ST14: variants seen among roughly 807,000 people sequenced by gnomAD.
ST14 encodes the protein suppressor of tumorigenicity 14 protein.
A neutral mutation model predicts 96.5 loss-of-function variants in ST14; 40 were observed. That is an observed-to-expected ratio of 0.41 (90% CI 0.32 to 0.54). The LOEUF is 0.54. Among genes scored for constraint, ST14 ranks in the 20% least tolerant of loss-of-function variants. The pLI is 0.17. For missense variants in ST14, 1,066 were observed against 1,188.9 expected, an observed-to-expected ratio of 0.90 and a Z score of 1.52; for synonymous variants, 506 against 492.1, an observed-to-expected ratio of 1.03 and a Z score of -0.37.
At chr11:130,185,965 G>A (rs1349607959) in intron 1 of ST14, among the ~76,000 whole-genome samples, 3 of 151,834 alleles carry the variant, frequency 2.0e-5, no homozygotes, top group African/African-American at 4.8e-5. Context: ...GTGCCACCGC[G>A]CCTGGCTAAT....
intron 1 of ST14, among the ~76,000 whole-genome samples, chr11:130,172,414 T>C (rs1479168484): frequency 1.0e-4 from 14 of 136,644 alleles, no homozygotes; most frequent in African/African-American, 2.2e-4. Context: ...CTGTCTTCTT[T>C]TTTTTTTTTT....
rs1953197234 is a variant in ST14, at chr11:130,181,999, C to A, written c.82-6115C>A. ...GTCAATGCCCTCAGCCACCTTACCC[C>A]TTCTCATGGGAGTCTCTGTCTTCTG... On this transcript the variant is annotated intron_variant, in intron 1 of 18. Coordinates refer to ENST00000278742, the MANE Select transcript of ST14 (RefSeq NM_021978.4). The surrounding 1 kb of genome is among the most constrained non-coding windows in gnomAD (Gnocchi z 4.1). Among the ~76,000 whole-genome samples the A allele has an allele frequency of 6.6e-6, 1 of 152,230 alleles. No homozygotes were observed. The highest frequency in any genetic ancestry group is 2.4e-5 in the African/African-American group (1 of 41,454).
At chr11:130,174,322 C>A (rs1175658629) in intron 1 of ST14, among the ~76,000 whole-genome samples, 1 of 152,162 alleles carries the variant, frequency 6.6e-6, no homozygotes, top group South Asian at 2.1e-4. Flanking sequence ...AGAAATATCA[C>A]GTCCAATTCT....
chr11:130,209,614 C>A (rs767208327), intron 18 of ST14, 36 bp downstream of exon 18: 1 of 1,574,166 alleles, frequency 6.4e-7, no homozygotes, highest in Non-Finnish European at 8.6e-7. Context: ...AGGTGGGCCC[C>A]GGGAGAGGCG....
At chr11:130,201,046 A>G (rs1953422000) in intron 16 of ST14, among the ~76,000 whole-genome samples, 1 of 152,242 alleles carries the variant, frequency 6.6e-6, no homozygotes, top group African/African-American at 2.4e-5. Flanking sequence ...GAGTTGTGAG[A>G]ATTAAATACA....
intron 16 of ST14, among the ~76,000 whole-genome samples, chr11:130,202,207 C>T (rs1169168967): frequency 6.6e-6 from 1 of 152,190 alleles, no homozygotes; most frequent in Non-Finnish European, 1.5e-5. Context: ...TGCTTCGTTG[C>T]TTTCTTTCTC....
Position 130,198,385 on chromosome 11 carries a change from G to A in ST14, c.1537G>A (p.Asp513Asn), listed in dbSNP as rs551890002. The A allele has an allele frequency of 3.1e-6, 5 of 1,614,184 alleles. No individual in the cohort carries two copies. Among genetic ancestry groups the A allele is most frequent in the South Asian group, 1.1e-5 (1 of 91,080 alleles). The change falls in exon 13 of 19, where the codon GAC (aspartate) becomes AAC (asparagine). Residue 513 changes from aspartate to asparagine, a missense_variant. Physicochemically the swap from Asp to Asn is conservative, Grantham distance 23. Coordinates refer to ENST00000278742, the MANE Select transcript of ST14 (RefSeq NM_021978.4). ...PLFWVCDSVN[D>N]CGDNSDEQGC... The stretch of plus-strand genomic sequence containing the variant: ...CTTCTGGGTCTGCGACAGTGTGAAC[G>A]ACTGCGGAGACAACAGCGACGAGCA...
chr11:130,180,514 C>A (rs893704830), intron 1 of ST14, among the ~76,000 whole-genome samples: 3 of 152,176 alleles, frequency 2.0e-5, no homozygotes, highest in African/African-American at 7.2e-5. Context: ...CATTGCTTTT[C>A]TCTAAGGATA....
rs946820005 is a variant in ST14, at chr11:130,181,045, G to A, written c.82-7069G>A. Among the ~76,000 whole-genome samples, 1 of 152,186 alleles carries A rather than the reference G, an allele frequency of 6.6e-6. No individual in the cohort carries two copies. Among genetic ancestry groups the A allele is most frequent in the Non-Finnish European group, 1.5e-5 (1 of 68,040 alleles). On this transcript the variant is annotated intron_variant, in intron 1 of 18. Transcript: ENST00000278742. This position sits in a 1 kb window ranked among gnomAD's most constrained non-coding sequence, Gnocchi z 4.1. ...CTCATCCCTGCTGGGTGGGATGGCAGTGGTCCCTCTTGGGTGAGATGGTGG... is the reference window on the plus strand; with the variant it reads ...CTCATCCCTGCTGGGTGGGATGGCAATGGTCCCTCTTGGGTGAGATGGTGG...
At chr11:130,184,116 A>G (rs1953217428) in intron 1 of ST14, among the ~76,000 whole-genome samples, 1 of 152,192 alleles carries the variant, frequency 6.6e-6, no homozygotes, top group African/African-American at 2.4e-5. Flanking sequence ...GGGACAGGAA[A>G]TGGATTCAGG....
Position 130,159,862 on chromosome 11 carries a change from G to A in ST14, c.-118G>A, listed in dbSNP as rs1201791664. The A allele has an allele frequency of 5.0e-6, 2 of 403,340 alleles. No individual in the cohort carries two copies. Among genetic ancestry groups the A allele is most frequent in the Non-Finnish European group, 3.8e-6 (1 of 262,506 alleles). The allele number at this position is 403,340 out of a possible 1,614,324, so 25.0% of individuals were successfully genotyped here. A position where few individuals can be genotyped will look rare whatever the true frequency, so the allele number is the denominator to read the frequency against. On this transcript the variant is annotated 5_prime_UTR_variant, in exon 1 of 19. Coordinates refer to ENST00000278742, the MANE Select transcript of ST14 (RefSeq NM_021978.4). ...GCGAGGGCACCGCCGCCGGTCGGGC[G>A]CGCTGGGCCTGCCCGGAATCCCGCC...
At position 130,188,367 on chromosome 11, in the gene ST14, A is replaced by T; in HGVS notation, c.241+94A>T. 1 of 1,581,328 alleles carries T rather than the reference A, an allele frequency of 6.3e-7. No individual in the cohort carries two copies. Among genetic ancestry groups the T allele is most frequent in the Middle Eastern group, 1.8e-4 (1 of 5,480 alleles). On this transcript the variant is annotated intron_variant, in intron 2 of 18. Coordinates refer to ENST00000278742, the MANE Select transcript of ST14 (RefSeq NM_021978.4). The surrounding 1 kb of genome is among the most constrained non-coding windows in gnomAD (Gnocchi z 5.4). ...AGACCCAGGGCCACCTACTGAGTAC[A>T]CGAGGATCTCTTGGCCTCTCTGGAA...
At chr11:130,167,077 G>A (rs1052081786) in intron 1 of ST14, among the ~76,000 whole-genome samples, 7 of 152,128 alleles carry the variant, frequency 4.6e-5, no homozygotes, top group South Asian at 2.1e-4. Flanking sequence ...CAGGCATGGC[G>A]GTGGGCACCT....
Position 130,160,031 on chromosome 11 carries a change from G to T in ST14, c.52G>T (p.Ala18Ser). The T allele has an allele frequency of 7.0e-7, 1 of 1,435,422 alleles. No homozygotes were observed. The highest frequency in any genetic ancestry group is 9.2e-7 in the Non-Finnish European group (1 of 1,086,554). The allele number at this position is 1,435,422 out of a possible 1,614,324, so 88.9% of individuals were successfully genotyped here. The stretch of plus-strand genomic sequence containing the variant: ...CGGAGGGGGCCCGAAGGACTTCGGC[G>T]CGGGACTCAAGTACAACTCCCGGCA... ...KGGGGPKDFG[A>S]GLKYNSRHEK... is the part of the protein sequence containing the mutation. The change falls in exon 1 of 19, where the codon GCG becomes TCG. Residue 18 changes from alanine to serine, a missense_variant. Ala to Ser is a moderately conservative substitution (Grantham distance 99). Coordinates refer to ENST00000278742, the MANE Select transcript of ST14 (RefSeq NM_021978.4).
Position 130,166,728 on chromosome 11 carries a change from C to T in ST14, c.81+6668C>T, listed in dbSNP as rs1266494050. Among the ~76,000 whole-genome samples, 3 of 152,206 alleles carry T rather than the reference C, an allele frequency of 2.0e-5. No individual in the cohort carries two copies. In the East Asian group the frequency reaches 5.8e-4, roughly 29 times the overall value. On this transcript the variant is annotated intron_variant, in intron 1 of 18. Transcript: ENST00000278742. ...CCTCCCTCAACCATGGAGCAGAAAC[C>T]ACGAGACCCAGAGTTCTGAGTTGAC...
chr11:130,163,835 G>A (rs566515751), intron 1 of ST14, among the ~76,000 whole-genome samples: 8 of 152,266 alleles, frequency 5.3e-5, no homozygotes, highest in African/African-American at 1.9e-4. Context: ...GGCTGCCTTC[G>A]CCTGCTAGCA....
intron 1 of ST14, among the ~76,000 whole-genome samples, chr11:130,169,205 C>T (rs1394309420): frequency 2.0e-5 from 3 of 150,202 alleles, no homozygotes; most frequent in African/African-American, 7.5e-5. Flanking sequence ...AGCGATTCTC[C>T]TGCCTCAGCC....
intron 1 of ST14, among the ~76,000 whole-genome samples, chr11:130,178,174 G>A (rs1008959190): frequency 5.9e-5 from 9 of 152,204 alleles, no homozygotes; most frequent in African/African-American, 2.2e-4. Context: ...AACATCAAGA[G>A]AAAGGGGATA....
At chr11:130,198,459 G>T in intron 13 of ST14, 41 bp downstream of exon 13, 1 of 1,612,770 alleles carries the variant, frequency 6.2e-7, no homozygotes, top group Non-Finnish European at 8.5e-7. Flanking sequence ...GCAGGTGGGC[G>T]GGGCGACTGA....
Sources: allele counts gnomAD v4.1 joint callset (sites outside exome capture counted in the v4.1 genomes callset), GRCh38; gene constraint gnomAD v4.1.1; non-coding constraint Gnocchi (gnomAD v3.1); transcripts MANE v1.5; gene names NCBI Gene and HGNC (gene_info 2026-07-23, HGNC 2026-07-21).